FAM13B: variants seen among roughly 807,000 people sequenced by gnomAD.
FAM13B encodes the protein protein FAM13B.
A neutral mutation model predicts 117.3 loss-of-function variants in FAM13B; 60 were observed. The ratio of observed to expected loss-of-function variants is 0.51; its 90% CI spans 0.42 to 0.63. The LOEUF is 0.63. FAM13B is among the 30% of genes least tolerant of loss of function. The probability of loss-of-function intolerance (pLI) is 0.00; values close to 1 mark genes in which losing one functional copy is unlikely to be tolerated. For synonymous variants in FAM13B, 332 were observed against 356.1 expected (o/e 0.93, Z 0.76); for missense variants, 972 against 1,091.9 (o/e 0.89, Z 1.55).
chr5:138,009,802 C>CAAA lies in FAM13B; in HGVS notation c.690+1203_690+1205dup, dbSNP rs756061969. 6.6e-4 allele frequency among the ~76,000 whole-genome samples: 53 copies of CAAA among 80,370 alleles called. 2 individuals are homozygous for CAAA. Among genetic ancestry groups the CAAA allele is most frequent in the South Asian group, 1.2e-3 (2 of 1,614 alleles). The allele number at this position is 80,370 out of a possible 152,430, so 52.7% of individuals were successfully genotyped here. ...CTTGGGCGACAGAGCGAGACTGTCT[C>CAAA]AAAAAAAAAAAAAAAAAAAGGGTTG... On this transcript the variant is annotated intron_variant, in intron 6 of 23. Coordinates refer to ENST00000689681, the MANE Select transcript of FAM13B (RefSeq NM_001385994.1).
chr5:138,007,721 T>C (rs1409027356), intron 6 of FAM13B, among the ~76,000 whole-genome samples: 1 of 152,254 alleles, frequency 6.6e-6, no homozygotes, highest in African/African-American at 2.4e-5. Context: ...AAGTCAAGGT[T>C]ATAATTATCT....
intron 1 of FAM13B, among the ~76,000 whole-genome samples, chr5:138,026,020 G>A (rs372294322): frequency 3.1e-4 from 47 of 152,184 alleles, no homozygotes; most frequent in African/African-American, 1.1e-3. Context: ...AAAAGGGGTA[G>A]AGCACCAATA....
intron 1 of FAM13B, among the ~76,000 whole-genome samples, chr5:138,026,467 A>G (rs983355738): frequency 4.0e-5 from 6 of 150,890 alleles, no homozygotes; most frequent in Non-Finnish European, 5.9e-5. Context: ...TTCTACAAAA[A>G]AGTACAAAAA....
At chr5:137,954,019 G>A (rs1475897164) in intron 15 of FAM13B, 147 bp downstream of exon 15, 10 of 641,668 alleles carry the variant, frequency 1.6e-5, no homozygotes, top group Admixed American at 3.1e-5. Flanking sequence ...TGAATTCTAT[G>A]TCTAGAAGAC....
chr5:137,954,828 G>A (rs1253510101), intron 14 of FAM13B, among the ~76,000 whole-genome samples: 1 of 151,780 alleles, frequency 6.6e-6, no homozygotes, highest in African/African-American at 2.4e-5. Flanking sequence ...CACTATGTTG[G>A]CCAGGCTGGT....
chr5:138,046,293 T>G (rs1791639449), intron 1 of FAM13B, among the ~76,000 whole-genome samples: 1 of 152,238 alleles, frequency 6.6e-6, no homozygotes. Flanking sequence ...GTCTCTGGTA[T>G]GTCTTTATCA....
At chr5:138,016,612 C>T (rs1416707682) in intron 4 of FAM13B, among the ~76,000 whole-genome samples, 4 of 151,940 alleles carry the variant, frequency 2.6e-5, no homozygotes, top group African/African-American at 7.3e-5. Flanking sequence ...CCAGCCTGGG[C>T]GACAGAGCAA....
chr5:137,941,143 C>T (rs1159562315), intron 23 of FAM13B, among the ~76,000 whole-genome samples: 3 of 152,022 alleles, frequency 2.0e-5, no homozygotes, highest in African/African-American at 7.2e-5. Flanking sequence ...CTCCTGACCT[C>T]GTGATCCACC....
chr5:137,975,980 C>CTTTTTTTTTTTTTT (rs57478594), intron 10 of FAM13B, among the ~76,000 whole-genome samples: 13,086 of 109,224 alleles, frequency 0.12, 1,504 homozygotes, highest in Non-Finnish European at 0.14. Flanking sequence ...TCAACTCTTC[C>CTTTTTTTTTTTTTT]TTTTTTTTTT....
At chr5:138,012,213 TC>T (rs2150908281) in intron 4 of FAM13B, among the ~76,000 whole-genome samples, 1 of 96,488 alleles carries the variant, frequency 1.0e-5, no homozygotes, top group South Asian at 4.2e-4. Context: ...TGGCCCCAAT[TC>T]TCTTTTTTTT....
chr5:137,967,786 G>A (rs1484477353), intron 10 of FAM13B, among the ~76,000 whole-genome samples: 1 of 152,028 alleles, frequency 6.6e-6, no homozygotes, highest in Non-Finnish European at 1.5e-5. Flanking sequence ...ACAGCTGCTT[G>A]GTAAGGTGAG....
chr5:137,953,578 G>A (rs999639549), intron 15 of FAM13B, 113 bp from the exon 16 acceptor site: 27 of 1,085,696 alleles, frequency 2.5e-5, no homozygotes, highest in Non-Finnish European at 3.3e-5. Context: ...GTAAAAATAA[G>A]TCCCTAACAC....
chr5:138,045,584 G>A (rs771475267), intron 1 of FAM13B, among the ~76,000 whole-genome samples: 9 of 152,158 alleles, frequency 5.9e-5, no homozygotes, highest in Middle Eastern at 3.4e-3. Context: ...ACAGGTAACC[G>A]CATTGTTGAA....
chr5:138,008,719 G>A (rs1373076542), intron 6 of FAM13B, among the ~76,000 whole-genome samples: 2 of 152,172 alleles, frequency 1.3e-5, no homozygotes, highest in Non-Finnish European at 2.9e-5. Context: ...ATAGATCCTA[G>A]CTTCTACATG....
At position 137,999,210 on chromosome 5, in the gene FAM13B, C is replaced by T. The variant is rs369937975; in HGVS notation, c.848+7780G>A. ...CTCACTGTAGCCTGGACCTCCCATG[C>T]TCAAGCAATCCTCCCACCTCAGCCT... On this transcript the variant is annotated intron_variant, in intron 7 of 23. Transcript: ENST00000689681. Among the ~76,000 whole-genome samples the T allele has an allele frequency of 4.2e-4, 63 of 151,654 alleles. 1 individual carries two copies. The East Asian group carries it at 0.011, about 28-fold the overall frequency.
At chr5:137,954,477 T>C in intron 14 of FAM13B, 101 bp from the exon 15 acceptor site, 1 of 797,874 alleles carries the variant, frequency 1.3e-6, no homozygotes. Context: ...CATATCATTA[T>C]GTAGTGGTTC....
chr5:137,965,713 T>G (rs1334399265), intron 10 of FAM13B, among the ~76,000 whole-genome samples: 9 of 152,214 alleles, frequency 5.9e-5, no homozygotes, highest in Non-Finnish European at 1.2e-4. Flanking sequence ...GATGAGGTCT[T>G]AAGACTAGTA....
chr5:138,015,786 T>C (rs532318741), intron 4 of FAM13B, among the ~76,000 whole-genome samples: 1 of 152,326 alleles, frequency 6.6e-6, no homozygotes, highest in Non-Finnish European at 1.5e-5. Flanking sequence ...CTTCCCAAAA[T>C]AACTAAATGA....
At chr5:138,011,630 G>C in intron 5 of FAM13B, 138 bp downstream of exon 5, 1 of 566,656 alleles carries the variant, frequency 1.8e-6, no homozygotes, top group Non-Finnish European at 3.1e-6. Flanking sequence ...GTGTTAGCCA[G>C]GATGGTCTCA....
Sources: gnomAD v4.1 joint callset for allele counts (sites outside exome capture counted in the v4.1 genomes callset) on GRCh38, gnomAD v4.1.1 for gene constraint, MANE v1.5 for transcripts, NCBI Gene and HGNC (gene_info 2026-07-23, HGNC 2026-07-21) for gene names.